FILIP1L: variants seen among roughly 807,000 people sequenced by gnomAD.
FILIP1L encodes the protein filamin A-interacting protein 1-like.
Under a neutral mutation model 96.6 loss-of-function variants are expected in FILIP1L, and 55 were observed. The ratio of observed to expected loss-of-function variants is 0.57; its 90% confidence interval spans 0.46 to 0.71. The LOEUF (loss-of-function observed/expected upper bound fraction) is 0.71, where lower values mean the gene tolerates loss of function less well. FILIP1L is among the 30% of genes least tolerant of loss of function. FILIP1L has a pLI of 0.00. For synonymous variants in FILIP1L, 467 were observed against 473.9 expected, an observed-to-expected ratio of 0.99 and a Z score of 0.19; for missense variants, 1,304 against 1,321.2, an observed-to-expected ratio of 0.99 and a Z score of 0.20.
At chr3:99,988,146 A>G (rs1377653313) in intron 1 of FILIP1L, among the ~76,000 whole-genome samples, 1 of 152,126 alleles carries the variant, frequency 6.6e-6, no homozygotes, top group Non-Finnish European at 1.5e-5. Flanking sequence ...AACAAAAGCT[A>G]AAAGAATTGT....
At chr3:99,913,809 A>G (rs1706869018) in intron 4 of FILIP1L, among the ~76,000 whole-genome samples, 1 of 152,248 alleles carries the variant, frequency 6.6e-6, no homozygotes, top group Non-Finnish European at 1.5e-5. Flanking sequence ...TTAAGAAAAG[A>G]AAAAACGTAG....
At chr3:100,057,899 T>A (rs929290571) in intron 1 of FILIP1L, among the ~76,000 whole-genome samples, 2 of 152,166 alleles carry the variant, frequency 1.3e-5, no homozygotes, top group African/African-American at 4.8e-5. Flanking sequence ...TCCTCAAAGA[T>A]CCTGATGACC....
chr3:99,921,788 A>G (rs1184668966), intron 4 of FILIP1L, among the ~76,000 whole-genome samples: 1 of 152,178 alleles, frequency 6.6e-6, no homozygotes, highest in Non-Finnish European at 1.5e-5. Context: ...TCAAAATACT[A>G]TTCTTCATAT....
At chr3:100,048,872 A>T (rs1225360505) in intron 1 of FILIP1L, among the ~76,000 whole-genome samples, 1 of 152,184 alleles carries the variant, frequency 6.6e-6, no homozygotes, top group South Asian at 2.1e-4. Context: ...TATAAGGTTG[A>T]TATGATGGCC....
At chr3:100,074,293 G>A (rs1353398749) in intron 1 of FILIP1L, among the ~76,000 whole-genome samples, 1 of 152,108 alleles carries the variant, frequency 6.6e-6, no homozygotes, top group Non-Finnish European at 1.5e-5. Context: ...AAAATGCAAG[G>A]CAAAGGTTTC....
Position 99,848,904 on chromosome 3 carries a change from T to C in FILIP1L, c.2772A>G (p.Thr924=). The part of the protein sequence containing the change: ...TATLEITSPT[T]ESPHSYTSTA... ...TACTCGTGTAAGAGTGAGGACTCTC[T>C]GTGGTTGGACTTGTGATTTCAAGAG... The change falls in exon 5 of 6, where the codon ACA becomes ACG. Residue 924 remains threonine, a synonymous_variant. Coordinates refer to ENST00000477258, the MANE Select transcript of FILIP1L (RefSeq NM_001387850.1). 1 of 1,614,176 alleles carries C rather than the reference T, an allele frequency of 6.2e-7. No homozygotes were observed. Among genetic ancestry groups the C allele is most frequent in the Non-Finnish European group, 8.5e-7 (1 of 1,180,030 alleles).
rs1479663132 is a variant in FILIP1L at position 99,916,453 on chromosome 3, CA to C, written c.605+7776del. Among the ~76,000 whole-genome samples, 1,066 of 150,670 alleles carry C rather than the reference CA, an allele frequency of 7.1e-3. 19 individuals carry two copies. The highest frequency in any genetic ancestry group is 0.024 in the African/African-American group (981 of 40,952). On this transcript the variant is annotated intron_variant, in intron 4 of 5. Coordinates refer to ENST00000477258, the MANE Select transcript of FILIP1L (RefSeq NM_001387850.1). ...AACGGTTTATACACACACACACACA[CA>C]CACACACACACACACACACACACAC...
intron 1 of FILIP1L, among the ~76,000 whole-genome samples, chr3:100,080,972 A>G (rs2065923158): frequency 6.6e-6 from 1 of 152,248 alleles, no homozygotes; most frequent in Non-Finnish European, 1.5e-5. Flanking sequence ...TGCAGAAGAT[A>G]AAAAGGAGTC....
In FILIP1L at chr3:99,947,817, A is replaced by G. The variant is rs9831309; in HGVS notation, c.-10-16787T>C. Among the ~76,000 whole-genome samples, 767 of 152,336 alleles carry G rather than the reference A, an allele frequency of 5.0e-3. 6 individuals carry two copies. Among genetic ancestry groups the G allele is most frequent in the African/African-American group, 0.017 (722 of 41,592 alleles). ...CTAGGCCCTGAAAGTTGAGAATTTGAAAATGAAATAAGAATTTAGAATATT... is the reference window on the plus strand; with the variant it reads ...CTAGGCCCTGAAAGTTGAGAATTTGGAAATGAAATAAGAATTTAGAATATT... On this transcript the variant is annotated intron_variant, in intron 1 of 5. Transcript: ENST00000477258.
rs1393491145 is a variant in FILIP1L, at chr3:99,850,575, A to G, written c.1101T>C (p.Gly367=). The change falls in exon 5 of 6, where the codon GGT becomes GGC. Residue 367 remains glycine, a synonymous_variant. Transcript: ENST00000477258. Reference sequence around the variant, plus strand: ...TGAGCTCTTCCACTTCAGCCATGATACCAGCGTTTCCATATTCTCCCTTAC... The same window carrying G: ...TGAGCTCTTCCACTTCAGCCATGATGCCAGCGTTTCCATATTCTCCCTTAC... ...KISKGEYGNA[G]IMAEVEELRK... is the part of the protein sequence containing the mutation. The G allele has an allele frequency of 1.2e-6, 2 of 1,613,660 alleles. No individual in the cohort carries two copies. The highest frequency in any genetic ancestry group is 1.7e-6 in the Non-Finnish European group (2 of 1,179,998).
chr3:100,026,406 A>G (rs1483599339), intron 1 of FILIP1L, among the ~76,000 whole-genome samples: 1 of 152,068 alleles, frequency 6.6e-6, no homozygotes, highest in East Asian at 1.9e-4. Context: ...CAAGGTCGAT[A>G]GTGAACCAAA....
At chr3:99,903,546 G>A (rs931412231) in intron 4 of FILIP1L, among the ~76,000 whole-genome samples, 13 of 152,106 alleles carry the variant, frequency 8.5e-5, no homozygotes, top group East Asian at 5.8e-4. Context: ...CACCGCGCCC[G>A]GCCATGTATG....
intron 1 of FILIP1L, among the ~76,000 whole-genome samples, chr3:100,096,835 T>G (rs1238728637): frequency 6.6e-6 from 1 of 152,184 alleles, no homozygotes; most frequent in Non-Finnish European, 1.5e-5. Flanking sequence ...CATGATGTGA[T>G]TATTATACAT....
At chr3:100,058,845 G>C (rs1223135975) in intron 1 of FILIP1L, among the ~76,000 whole-genome samples, 2 of 152,204 alleles carry the variant, frequency 1.3e-5, no homozygotes, top group African/African-American at 4.8e-5. Context: ...TTAAAATAAA[G>C]TTTAGTAGTT....
Position 99,848,294 on chromosome 3 carries a change from CT to C in FILIP1L, c.3381del (p.Ile1128SerfsTer48). 3 of 1,613,716 alleles carry C rather than the reference CT, an allele frequency of 1.9e-6. No homozygotes were observed. The highest frequency in any genetic ancestry group is 2.5e-6 in the Non-Finnish European group (3 of 1,179,800). ...ATPLPRQSQI[T>X]IKEVCKQRIP... is the part of the protein sequence containing the mutation. ...CGTGGTCAGTTATATATATTACTTACTGTAATTTGTGATTGTCGAGGAAGAG... is the reference window on the plus strand; with the variant it reads ...CGTGGTCAGTTATATATATTACTTACGTAATTTGTGATTGTCGAGGAAGAG... On this transcript the variant is annotated frameshift_variant and splice_region_variant, in exon 5 of 6. Transcript: ENST00000477258. LOFTEE classifies it high-confidence loss of function.
chr3:100,016,054 C>G (rs1007493725), intron 1 of FILIP1L, among the ~76,000 whole-genome samples: 6 of 151,830 alleles, frequency 4.0e-5, no homozygotes, highest in African/African-American at 1.5e-4. Context: ...TTTAGATGAC[C>G]CAAGATTATT....
chr3:99,972,603 C>T (rs1313967165), intron 1 of FILIP1L, among the ~76,000 whole-genome samples: 1 of 152,176 alleles, frequency 6.6e-6, no homozygotes, highest in Non-Finnish European at 1.5e-5. Flanking sequence ...GTTCATGTTT[C>T]CATGGGCTGT....
intron 1 of FILIP1L, among the ~76,000 whole-genome samples, chr3:99,940,212 C>G (rs1167677508): frequency 6.6e-6 from 1 of 152,178 alleles, no homozygotes; most frequent in African/African-American, 2.4e-5. Flanking sequence ...TTTTCCAGAT[C>G]TTTGTGGAAT....
chr3:100,027,228 T>G (rs1319056542), intron 1 of FILIP1L, among the ~76,000 whole-genome samples: 1 of 152,154 alleles, frequency 6.6e-6, no homozygotes, highest in Non-Finnish European at 1.5e-5. Context: ...TATTACCTGT[T>G]TTCTGCACTA....
Sources: gnomAD v4.1 joint callset for allele counts (sites outside exome capture counted in the v4.1 genomes callset) on GRCh38, gnomAD v4.1.1 for gene constraint, MANE v1.5 for transcripts, NCBI Gene and HGNC (gene_info 2026-07-23, HGNC 2026-07-21) for gene names.